GRM8: variants seen among roughly 807,000 people sequenced by gnomAD.
The protein encoded by GRM8 is metabotropic glutamate receptor 8.
Under a neutral mutation model 87.2 loss-of-function variants are expected in GRM8, and 47 were observed. That is an observed-to-expected ratio of 0.54 (90% CI 0.43 to 0.69). The LOEUF (loss-of-function observed/expected upper bound fraction) is 0.69, where lower values mean the gene tolerates loss of function less well. Among genes scored for constraint, GRM8 ranks in the 30% least tolerant of loss-of-function variants. The pLI, the probability that GRM8 is intolerant of heterozygous loss-of-function variation, is 0.00. For missense variants in GRM8, 1,019 were observed against 1,139.2 expected (o/e 0.89, Z 1.52); for synonymous variants, 396 against 404.5 (o/e 0.98, Z 0.25).
chr7:126,586,619 G>C (rs1297051505), intron 8 of GRM8, among the ~76,000 whole-genome samples: 1 of 152,186 alleles, frequency 6.6e-6, no homozygotes, highest in Non-Finnish European at 1.5e-5. Context: ...GGGAAAACTG[G>C]ATAGCCATAT....
chr7:126,548,039 C>T (rs1050584642), intron 8 of GRM8, among the ~76,000 whole-genome samples: 10 of 151,988 alleles, frequency 6.6e-5, no homozygotes, highest in African/African-American at 2.2e-4. Context: ...ATCCTCAGAA[C>T]GGCAGTCAAG....
intron 6 of GRM8, among the ~76,000 whole-genome samples, chr7:126,774,713 T>C (rs1332582908): frequency 1.3e-5 from 2 of 152,166 alleles, no homozygotes; most frequent in Non-Finnish European, 2.9e-5. Context: ...TTGGGTTTTG[T>C]TCCTTTTCAG....
chr7:126,786,422 C>T (rs1563186598), intron 6 of GRM8, among the ~76,000 whole-genome samples: 1 of 152,122 alleles, frequency 6.6e-6, no homozygotes, highest in Non-Finnish European at 1.5e-5. Context: ...TCTTGCTTTC[C>T]TATCTAATTT....
chr7:126,674,268 G>A (rs979299028), intron 7 of GRM8, among the ~76,000 whole-genome samples: 2 of 152,148 alleles, frequency 1.3e-5, no homozygotes, highest in Admixed American at 1.3e-4. Context: ...AATATAAAAG[G>A]CAGCGTGTTT....
intron 3 of GRM8, among the ~76,000 whole-genome samples, chr7:126,951,241 A>G (rs1258782659): frequency 6.6e-6 from 1 of 152,134 alleles, no homozygotes; most frequent in Non-Finnish European, 1.5e-5. Context: ...CAAAGAAAAT[A>G]TGGAAGGAAC....
At chr7:126,927,311 T>C (rs1805245858) in intron 3 of GRM8, among the ~76,000 whole-genome samples, 1 of 152,038 alleles carries the variant, frequency 6.6e-6, no homozygotes, top group East Asian at 1.9e-4. Context: ...GTATGTTTTT[T>C]TTTTCTTTAG....
At chr7:127,172,604 A>G (rs1206294086) in intron 2 of GRM8, among the ~76,000 whole-genome samples, 1 of 151,848 alleles carries the variant, frequency 6.6e-6, no homozygotes, top group Non-Finnish European at 1.5e-5. Flanking sequence ...GCTACTCAGG[A>G]GGCTGAGGCA....
At chr7:127,092,686 G>A (rs1259743593) in intron 3 of GRM8, among the ~76,000 whole-genome samples, 1 of 152,212 alleles carries the variant, frequency 6.6e-6, no homozygotes. Flanking sequence ...CAGCCTGGGT[G>A]ACAGAGTGAG....
At chr7:127,085,720 G>A (rs371698828) in intron 3 of GRM8, among the ~76,000 whole-genome samples, 4 of 152,192 alleles carry the variant, frequency 2.6e-5, no homozygotes, top group South Asian at 4.1e-4. Flanking sequence ...TTGTCAGATG[G>A]GTAGATTGCA....
intron 7 of GRM8, among the ~76,000 whole-genome samples, chr7:126,760,045 C>G (rs1269916884): frequency 6.6e-6 from 1 of 151,962 alleles, no homozygotes; most frequent in Non-Finnish European, 1.5e-5. Context: ...TTTTTCCCAC[C>G]ACCTCAAATC....
intron 7 of GRM8, among the ~76,000 whole-genome samples, chr7:126,733,343 A>G (rs1406709278): frequency 6.6e-6 from 1 of 150,930 alleles, no homozygotes; most frequent in Non-Finnish European, 1.5e-5. Flanking sequence ...TGTTTACTTT[A>G]TTATATATAA....
intron 2 of GRM8, among the ~76,000 whole-genome samples, chr7:127,118,428 G>A (rs1296110933): frequency 6.6e-6 from 1 of 152,162 alleles, no homozygotes; most frequent in Non-Finnish European, 1.5e-5. Context: ...TAAACAAATT[G>A]ATTAGCCCTT....
chr7:126,567,662 C>T (rs1169527319), intron 8 of GRM8, among the ~76,000 whole-genome samples: 1 of 151,864 alleles, frequency 6.6e-6, no homozygotes, highest in Non-Finnish European at 1.5e-5. Context: ...CTCTCTGGTG[C>T]AAAAAATAAA....
chr7:127,185,712 A>G (rs1794696793), intron 2 of GRM8, among the ~76,000 whole-genome samples: 1 of 152,166 alleles, frequency 6.6e-6, no homozygotes, highest in South Asian at 2.1e-4. Flanking sequence ...GTTTAAGAGA[A>G]CTTGTTGCAT....
In GRM8 at chr7:127,139,304, A is replaced by T. The variant is rs17861412; in HGVS notation, c.511-32592T>A. Among the ~76,000 whole-genome samples, 581 of 152,218 alleles carry T rather than the reference A, an allele frequency of 3.8e-3. 6 individuals are homozygous for T. The highest frequency in any genetic ancestry group is 0.013 in the African/African-American group (555 of 41,488). Reference sequence around the variant, plus strand: ...CTATTGAGGGCCTCATGTTCTTCTTACCACAGAAAAGAGATAACAAAATGT... The same window carrying T: ...CTATTGAGGGCCTCATGTTCTTCTTTCCACAGAAAAGAGATAACAAAATGT... On this transcript the variant is annotated intron_variant, in intron 2 of 10. Coordinates refer to ENST00000339582, the MANE Select transcript of GRM8 (RefSeq NM_000845.3).
At chr7:126,555,911 T>C (rs1793085702) in intron 8 of GRM8, among the ~76,000 whole-genome samples, 1 of 152,204 alleles carries the variant, frequency 6.6e-6, no homozygotes, top group Admixed American at 6.5e-5. Context: ...AAAGGACATA[T>C]CAAGGAAAAC....
At position 127,108,854 on chromosome 7, in the gene GRM8, A is replaced by G. The variant is rs140745773; in HGVS notation, c.511-2142T>C. Among the ~76,000 whole-genome samples, 49 of 152,336 alleles carry G rather than the reference A, an allele frequency of 3.2e-4. 1 individual carries two copies. Among genetic ancestry groups the G allele is most frequent in the African/African-American group, 1.1e-3 (44 of 41,570 alleles). Reference sequence around the variant, plus strand: ...TTGAAGAGTTTTCTCTTTGCAGATCAATGTGTGGGAAAGCAATGCAAGAGT... The same window carrying G: ...TTGAAGAGTTTTCTCTTTGCAGATCGATGTGTGGGAAAGCAATGCAAGAGT... On this transcript the variant is annotated intron_variant, in intron 2 of 10. Transcript: ENST00000339582.
At chr7:126,828,879 C>T (rs1405555893) in intron 6 of GRM8, among the ~76,000 whole-genome samples, 1 of 152,152 alleles carries the variant, frequency 6.6e-6, no homozygotes, top group East Asian at 1.9e-4. Flanking sequence ...GTGAATGTGT[C>T]CCAGAGATTC....
chr7:126,749,843 G>A (rs1816206541), intron 7 of GRM8, among the ~76,000 whole-genome samples: 1 of 152,086 alleles, frequency 6.6e-6, no homozygotes, highest in Non-Finnish European at 1.5e-5. Flanking sequence ...ACAATATCAA[G>A]TGTTGGAGAG....
Sources: allele counts gnomAD v4.1 joint callset (sites outside exome capture counted in the v4.1 genomes callset), GRCh38; gene constraint gnomAD v4.1.1; transcripts MANE v1.5; gene names NCBI Gene and HGNC (gene_info 2026-07-23, HGNC 2026-07-21).